PIGK: variants seen among roughly 807,000 people sequenced by gnomAD.
PIGK encodes the protein phosphatidylinositol glycan anchor biosynthesis class K.
PIGK carries 42 observed loss-of-function variants against 50.6 expected under a neutral mutation model. The observed-to-expected ratio is 0.83, with a 90% CI of 0.65 to 1.07. PIGK has a LOEUF of 1.07. Ranked by LOEUF, PIGK falls within the 50% of genes least tolerant of loss-of-function variation. PIGK has a pLI of 0.00. For synonymous variants in PIGK, 151 were observed against 156.0 expected (o/e 0.97, Z 0.24); for missense variants, 448 against 488.7 (o/e 0.92, Z 0.78).
chr1:77,103,827 T>G (rs1042264620), intron 10 of PIGK, among the ~76,000 whole-genome samples: 7 of 152,102 alleles, frequency 4.6e-5, no homozygotes, highest in Admixed American at 3.9e-4. Context: ...AGAGTTCTAT[T>G]CTATGCATGC....
chr1:77,185,298 A>G (rs2102169), intron 3 of PIGK, among the ~76,000 whole-genome samples: 5,621 of 152,246 alleles, frequency 0.037, 156 homozygotes, highest in African/African-American at 0.074. Flanking sequence ...TTTTGCTTCC[A>G]TAAGATATCA....
intron 10 of PIGK, among the ~76,000 whole-genome samples, chr1:77,106,027 A>G (rs1653662767): frequency 1.3e-5 from 2 of 152,204 alleles, no homozygotes; most frequent in African/African-American, 2.4e-5. Flanking sequence ...AAAATCCAAA[A>G]AGTACATTAA....
At position 77,173,644 on chromosome 1, in the gene PIGK, A is replaced by G. The variant is rs369641220; in HGVS notation, c.240-4249T>C. Among the ~76,000 whole-genome samples the G allele has an allele frequency of 6.2e-4, 94 of 152,340 alleles. 1 individual carries two copies. In the South Asian group the frequency reaches 0.019, roughly 30 times the overall value. On this transcript the variant is annotated intron_variant, in intron 3 of 10. Coordinates refer to ENST00000370812, the MANE Select transcript of PIGK (RefSeq NM_005482.3). ...CCTCTGTAAAGTTTTAATTAATGCA[A>G]AAAAAGGATTCTGAGGCTATTCTTA...
At chr1:77,203,044 T>C (rs970773796) in intron 3 of PIGK, among the ~76,000 whole-genome samples, 2 of 152,230 alleles carry the variant, frequency 1.3e-5, no homozygotes, top group Non-Finnish European at 2.9e-5. Context: ...AAGATATGTA[T>C]ATTTTTTCAT....
intron 9 of PIGK, among the ~76,000 whole-genome samples, chr1:77,144,687 A>G (rs1654728108): frequency 6.6e-6 from 1 of 151,928 alleles, no homozygotes; most frequent in African/African-American, 2.4e-5. Context: ...GGGCAGTGAA[A>G]TAAACTGCTA....
At chr1:77,134,124 CAAG>C (rs199505649) in intron 9 of PIGK, among the ~76,000 whole-genome samples, 2,103 of 152,266 alleles carry the variant, frequency 0.014, 43 homozygotes, top group African/African-American at 0.048. Flanking sequence ...AAATAGGCAA[CAAG>C]AAGATTTGGC....
rs565240186 is a variant in PIGK at position 77,199,996 on chromosome 1, C to T, written c.239+6644G>A. 3.8e-3 allele frequency among the ~76,000 whole-genome samples: 572 copies of T among 152,182 alleles called. 4 individuals are homozygous for T. The highest frequency in any genetic ancestry group is 6.9e-3 in the Non-Finnish European group (467 of 67,960). On this transcript the variant is annotated intron_variant, in intron 3 of 10. Coordinates refer to ENST00000370812, the MANE Select transcript of PIGK (RefSeq NM_005482.3). ...GAAAGTAACCATGTAGTAGTTGTCA[C>T]AACAAATCAACAAATGAAAATATTG...
intron 9 of PIGK, among the ~76,000 whole-genome samples, chr1:77,136,536 CAAAAAAAA>C (rs778130093): frequency 1.3e-4 from 8 of 63,672 alleles, no homozygotes; most frequent in African/African-American, 4.3e-4. Context: ...GACTCCGTCT[CAAAAAAAA>C]AAAAAAAAAA....
Position 77,135,908 on chromosome 1 carries a change from T to C in PIGK, c.987-13549A>G, listed in dbSNP as rs901435686. 7.2e-5 allele frequency among the ~76,000 whole-genome samples: 11 copies of C among 152,332 alleles called. 1 individual carries two copies. Among genetic ancestry groups the C allele is most frequent in the African/African-American group, 1.4e-4 (6 of 41,590 alleles). On this transcript the variant is annotated intron_variant, in intron 9 of 10. Transcript: ENST00000370812. ...GTTTATCTTACTCCCCAAATAATTA[T>C]TGTCATTGTCATTATCATCATAATT... is the stretch of plus-strand genomic sequence containing the variant.
intron 9 of PIGK, chr1:77,129,800 G>T (rs952245870): frequency 6.3e-5 from 29 of 457,776 alleles, no homozygotes; most frequent in African/African-American, 4.3e-4. Context: ...TAATTATTTA[G>T]AAGTGGACTT....
intron 3 of PIGK, among the ~76,000 whole-genome samples, chr1:77,179,779 G>A (rs557279830): frequency 6.6e-6 from 1 of 152,148 alleles, no homozygotes; most frequent in East Asian, 1.9e-4. Context: ...TATAGATAAT[G>A]TCTGTTCATA....
At chr1:77,133,825 G>C (rs546937001) in intron 9 of PIGK, among the ~76,000 whole-genome samples, 1 of 152,164 alleles carries the variant, frequency 6.6e-6, no homozygotes, top group Non-Finnish European at 1.5e-5. Flanking sequence ...AGACTATAGA[G>C]ATTTCTAATA....
Position 77,161,692 on chromosome 1 carries a change from T to A in PIGK, c.604A>T (p.Ile202Phe). The change falls in exon 7 of 11, where the codon ATT becomes TTT. Residue 202 changes from isoleucine to phenylalanine, a missense_variant. Transcript: ENST00000370812. ...QKRRYNELLF[I>F]IDTCQGASMY... ...GATGCTCCTTGGCAAGTATCAATAA[T>A]AAACAGTAGCTCATTGTAGCTGAAA... 1 of 1,511,578 alleles carries A rather than the reference T, an allele frequency of 6.6e-7. No homozygotes were observed. Among genetic ancestry groups the A allele is most frequent in the South Asian group, 1.1e-5 (1 of 88,872 alleles). 93.6% of individuals were successfully genotyped at this position (1,511,578 alleles called of 1,614,324 possible).
chr1:77,192,593 A>G (rs1201339157), intron 3 of PIGK, among the ~76,000 whole-genome samples: 1 of 152,188 alleles, frequency 6.6e-6, no homozygotes, highest in East Asian at 1.9e-4. Context: ...ATTGAATAAT[A>G]TGGTAGAGAT....
intron 9 of PIGK, among the ~76,000 whole-genome samples, chr1:77,133,112 T>C (rs573135503): frequency 6.6e-6 from 1 of 152,278 alleles, no homozygotes; most frequent in African/African-American, 2.4e-5. Flanking sequence ...TTCCTTATTT[T>C]CAATCTGTCA....
At chr1:77,194,992 GA>G (rs1655997781) in intron 3 of PIGK, 3 of 687,954 alleles carry the variant, frequency 4.4e-6, no homozygotes, top group Non-Finnish European at 5.3e-6. Context: ...TGGAAGCAGT[GA>G]AAAAGCTCCA....
chr1:77,153,238 A>T (rs1328378655), intron 9 of PIGK, among the ~76,000 whole-genome samples: 1 of 152,176 alleles, frequency 6.6e-6, no homozygotes, highest in Non-Finnish European at 1.5e-5. Context: ...AGTTATTGTT[A>T]AGTGAAATAT....
intron 3 of PIGK, among the ~76,000 whole-genome samples, chr1:77,179,689 G>A (rs1271016041): frequency 2.0e-5 from 3 of 151,906 alleles, no homozygotes; most frequent in Non-Finnish European, 4.4e-5. Context: ...TTCATGAATC[G>A]CTCATTGCTC....
chr1:77,150,441 A>C (rs992628688), intron 9 of PIGK, among the ~76,000 whole-genome samples: 3 of 151,232 alleles, frequency 2.0e-5, no homozygotes, highest in African/African-American at 7.3e-5. Context: ...GGATCGCTTG[A>C]GCCCAGGAGT....
Sources: allele counts gnomAD v4.1 joint callset (sites outside exome capture counted in the v4.1 genomes callset), GRCh38; gene constraint gnomAD v4.1.1; transcripts MANE v1.5; gene names NCBI Gene and HGNC (gene_info 2026-07-23, HGNC 2026-07-21).